Variants in TOX observed in about 807,000 individuals in gnomAD.
TOX encodes thymocyte selection-associated high mobility group box protein TOX.
In TOX, 11 loss-of-function variants were observed where a neutral mutation model predicts 53.7. The ratio of observed to expected loss-of-function variants is 0.20; its 90% CI spans 0.13 to 0.34. The LOEUF is 0.34. TOX is among the 10% of genes least tolerant of loss of function. TOX has a pLI of 1.00. For missense variants in TOX, 570 were observed against 664.6 expected, an observed-to-expected ratio of 0.86 and a Z score of 1.56; for synonymous variants, 225 against 245.3, an observed-to-expected ratio of 0.92 and a Z score of 0.77.
intron 1 of TOX, among the ~76,000 whole-genome samples, chr8:59,025,765 C>T (rs905972145): frequency 6.6e-6 from 1 of 152,130 alleles, no homozygotes; most frequent in Admixed American, 6.6e-5. Flanking sequence ...CCTGCATTCC[C>T]CTCCAATTTC....
At chr8:58,832,148 AATATATAATATATGTAATATATGTAATAT>A (rs1810468626) in intron 5 of TOX, among the ~76,000 whole-genome samples, 1 of 133,286 alleles carries the variant, frequency 7.5e-6, no homozygotes, top group South Asian at 2.4e-4. Flanking sequence ...TAATATATGT[AATATATAATATATGTAATATATGTAATAT>A]ATATATAATA....
intron 3 of TOX, among the ~76,000 whole-genome samples, chr8:58,864,760 G>T (rs571303425): frequency 7.2e-4 from 110 of 152,308 alleles, no homozygotes; most frequent in South Asian, 3.5e-3. Context: ...AGAAGGTGGA[G>T]AGTGCACAAG....
At chr8:59,053,389 C>A (rs974577920) in intron 1 of TOX, among the ~76,000 whole-genome samples, 2 of 152,248 alleles carry the variant, frequency 1.3e-5, no homozygotes, top group African/African-American at 2.4e-5. Flanking sequence ...GGCAACCTTG[C>A]GCTCACACCA....
chr8:59,043,211 G>C (rs1236812868), intron 1 of TOX, among the ~76,000 whole-genome samples: 1 of 151,266 alleles, frequency 6.6e-6, no homozygotes, highest in Non-Finnish European at 1.5e-5. Context: ...CTGTGTGTGT[G>C]TGTGTGTGTG....
chr8:59,059,422 T>C (rs1015942070), intron 1 of TOX, among the ~76,000 whole-genome samples: 5 of 151,910 alleles, frequency 3.3e-5, no homozygotes, highest in African/African-American at 1.2e-4. Flanking sequence ...CTCTTTAAAT[T>C]TTTTTTTAAC....
At chr8:58,937,581 G>A (rs1306891289) in intron 3 of TOX, among the ~76,000 whole-genome samples, 2 of 152,216 alleles carry the variant, frequency 1.3e-5, no homozygotes, top group African/African-American at 2.4e-5. Context: ...TTGTTTAAGA[G>A]TGACGTCTCT....
At chr8:59,105,379 G>A (rs1804883053) in intron 1 of TOX, among the ~76,000 whole-genome samples, 1 of 151,962 alleles carries the variant, frequency 6.6e-6, no homozygotes, top group Admixed American at 6.6e-5. Context: ...TTTGTAAATA[G>A]ATTTTTTCCT....
At chr8:59,097,215 C>T (rs1804727745) in intron 1 of TOX, among the ~76,000 whole-genome samples, 1 of 152,104 alleles carries the variant, frequency 6.6e-6, no homozygotes, top group East Asian at 1.9e-4. Context: ...TTTGTGTCTG[C>T]GCTGGTGTGA....
intron 1 of TOX, among the ~76,000 whole-genome samples, chr8:59,029,595 A>G (rs975299249): frequency 6.6e-6 from 1 of 152,210 alleles, no homozygotes; most frequent in Non-Finnish European, 1.5e-5. Context: ...TGGAAGAGAA[A>G]TGGAGAAAAT....
At chr8:58,921,534 C>A (rs1237282327) in intron 3 of TOX, among the ~76,000 whole-genome samples, 1 of 152,222 alleles carries the variant, frequency 6.6e-6, no homozygotes, top group East Asian at 1.9e-4. Context: ...CTTTCAGCTA[C>A]ACTTTCAGTA....
chr8:59,038,765 C>A (rs1418967568), intron 1 of TOX, among the ~76,000 whole-genome samples: 1 of 152,246 alleles, frequency 6.6e-6, no homozygotes, highest in Non-Finnish European at 1.5e-5. Context: ...TGGCTTCTGC[C>A]ATCTTGGGCA....
intron 3 of TOX, among the ~76,000 whole-genome samples, chr8:58,894,377 A>G (rs17296353): frequency 0.16 from 25,113 of 152,246 alleles, 2,751 homozygotes; most frequent in Non-Finnish European, 0.23. Flanking sequence ...ATTGCCATCT[A>G]TGGTTAGTAA....
At chr8:59,086,946 G>A (rs1315972456) in intron 1 of TOX, among the ~76,000 whole-genome samples, 1 of 152,120 alleles carries the variant, frequency 6.6e-6, no homozygotes, top group Non-Finnish European at 1.5e-5. Flanking sequence ...GATGAAGTTA[G>A]TAAAAGGTTC....
chr8:59,075,341 C>T (rs1219605188), intron 1 of TOX, among the ~76,000 whole-genome samples: 2 of 152,066 alleles, frequency 1.3e-5, no homozygotes, highest in African/African-American at 4.8e-5. Context: ...CTGACCTTCC[C>T]CCAAAGCAGG....
intron 1 of TOX, among the ~76,000 whole-genome samples, chr8:58,982,457 A>G (rs1185414093): frequency 6.6e-6 from 1 of 152,176 alleles, no homozygotes; most frequent in Non-Finnish European, 1.5e-5. Context: ...CAGAATCTCA[A>G]GTTGATTGTG....
At chr8:58,945,195 G>A (rs796578395) in intron 2 of TOX, among the ~76,000 whole-genome samples, 7 of 152,234 alleles carry the variant, frequency 4.6e-5, no homozygotes, top group African/African-American at 1.4e-4. Context: ...ACTAAAAGGC[G>A]AATGAATTTC....
At chr8:59,060,778 A>T (rs1401917897) in intron 1 of TOX, among the ~76,000 whole-genome samples, 1 of 152,232 alleles carries the variant, frequency 6.6e-6, no homozygotes, top group African/African-American at 2.4e-5. Context: ...TCAAAAATTA[A>T]ATAATACCAT....
intron 3 of TOX, among the ~76,000 whole-genome samples, chr8:58,933,855 C>T (rs1290937518): frequency 6.6e-6 from 1 of 152,118 alleles, no homozygotes; most frequent in African/African-American, 2.4e-5. Flanking sequence ...CTGCACCCCA[C>T]CCCTGACACC....
intron 1 of TOX, among the ~76,000 whole-genome samples, chr8:59,010,710 T>C (rs1386327869): frequency 3.3e-5 from 5 of 152,248 alleles, no homozygotes; most frequent in African/African-American, 1.2e-4. Context: ...GATAATGAGT[T>C]TGACAATGCT....
Sources: allele counts gnomAD v4.1 joint callset (sites outside exome capture counted in the v4.1 genomes callset), GRCh38; gene constraint gnomAD v4.1.1; transcripts MANE v1.5; gene names NCBI Gene and HGNC (gene_info 2026-07-23, HGNC 2026-07-21).